Variants in TSC2 observed in about 807,000 individuals in gnomAD.
TSC2 encodes TSC complex subunit 2, also known as tuberin.
A neutral mutation model predicts 202.2 loss-of-function variants in TSC2; 29 were observed. That is an observed-to-expected ratio of 0.14 (90% confidence interval 0.11 to 0.20). The LOEUF (loss-of-function observed/expected upper bound fraction) is 0.20. Ranked by LOEUF, TSC2 falls within the 10% of genes least tolerant of loss-of-function variation. The pLI is 1.00. For missense variants in TSC2, 2,429 were observed against 2,420.0 expected (o/e 1.00, Z -0.08); for synonymous variants, 1,349 against 1,044.0 (o/e 1.29, Z -5.63).
At chr16:2,052,387 A>G (rs918790231) in intron 3 of TSC2, among the ~76,000 whole-genome samples, 2 of 151,866 alleles carry the variant, frequency 1.3e-5, no homozygotes, top group Non-Finnish European at 2.9e-5. Flanking sequence ...ATGGCTCACT[A>G]CAGCCTCAAC....
At chr16:2,072,027 C>A (rs1047707572) in intron 19 of TSC2, 93 bp downstream of exon 19, 19 of 1,488,928 alleles carry the variant, frequency 1.3e-5, no homozygotes, top group Non-Finnish European at 1.5e-5. Context: ...CCCTGTCTGG[C>A]CTGTGGAGGG....
In TSC2 at chr16:2,086,720, G is replaced by A. The variant is rs371810493; in HGVS notation, c.4850-12G>A. On this transcript the variant is annotated splice_polypyrimidine_tract_variant and intron_variant, in intron 37 of 41. Coordinates refer to ENST00000219476, the MANE Select transcript of TSC2 (RefSeq NM_000548.5). ...TGGCCCCACAAACCCATCCGGCCCT[G>A]CTCACCCTCAGCCGTCTTCCACATC... 5.6e-6 allele frequency: 9 copies of A among 1,608,976 alleles called. No homozygotes were observed. In the African/African-American group the frequency reaches 6.7e-5, roughly 12 times the overall value.
chr16:2,087,096 G>C, intron 38 of TSC2: 1 of 660,108 alleles, frequency 1.5e-6, no homozygotes, highest in Non-Finnish European at 2.6e-6. Flanking sequence ...GGAGTAACTG[G>C]CAAGTGCAGA....
chr16:2,070,634 T>C (rs1379837014), intron 17 of TSC2, 56 bp downstream of exon 17: 1 of 1,611,110 alleles, frequency 6.2e-7, no homozygotes, highest in Non-Finnish European at 8.5e-7. Flanking sequence ...GGTATCCCCG[T>C]CTCGGCAGGT....
At position 2,076,626 on chromosome 16, in the gene TSC2, GGGAA is replaced by G. The variant is rs1567487238; in HGVS notation, c.2837+45_2837+48del. 3 of 1,605,288 alleles carry G rather than the reference GGGAA, an allele frequency of 1.9e-6. No individual in the cohort carries two copies. The South Asian group carries it at 3.3e-5, about 18-fold the overall frequency. On this transcript the variant is annotated intron_variant, in intron 25 of 41. Transcript: ENST00000219476. Reference sequence around the variant, plus strand: ...GTGTGCCTGGAGTCGGTGTGGGGTGGGGAAGGACATGGGGCTGTGGCCTGCCTGA... The same window carrying G: ...GTGTGCCTGGAGTCGGTGTGGGGTGGGGACATGGGGCTGTGGCCTGCCTGA...
chr16:2,077,910 C>T (rs767288861), intron 26 of TSC2, among the ~76,000 whole-genome samples, 184 bp downstream of exon 26: 16 of 152,144 alleles, frequency 1.1e-4, no homozygotes, highest in Non-Finnish European at 2.1e-4. Flanking sequence ...CGTATGAGCA[C>T]GGGCTGGTTG....
chr16:2,065,672 C>G (rs766100684), intron 16 of TSC2, 37 bp downstream of exon 16: 1 of 1,569,008 alleles, frequency 6.4e-7, no homozygotes, highest in East Asian at 2.2e-5. Context: ...TCCCGGGGCG[C>G]GCATGGCTAG....
rs2090534289 is a variant in TSC2 at position 2,084,638 on chromosome 16, C to T, written c.4416C>T (p.Gly1472=). ...CCGACTCGGCCCCATCACGCAGGGG[C>T]AAGAGAGTAGAGAGGGACGCCTTAA... is the stretch of plus-strand genomic sequence containing the variant. ...TISDSAPSRR[G]KRVERDALKS... is the part of the protein sequence containing the mutation. Residue 1472 remains glycine, a synonymous_variant, in exon 34 of 42, where the codon GGC becomes GGT. Coordinates refer to ENST00000219476, the MANE Select transcript of TSC2 (RefSeq NM_000548.5). 1.9e-6 allele frequency: 3 copies of T among 1,600,160 alleles called. No individual in the cohort carries two copies. The highest frequency in any genetic ancestry group is 2.5e-6 in the Non-Finnish European group (3 of 1,179,844).
At chr16:2,075,693 C>T (rs993859627) in intron 22 of TSC2, 106 bp from the exon 23 acceptor site, 8 of 1,250,320 alleles carry the variant, frequency 6.4e-6, no homozygotes, top group South Asian at 6.2e-5. Context: ...GTGGCCTTCT[C>T]TCCTCTGCAG....
At chr16:2,088,392 C>T (rs561181976) in intron 41 of TSC2, 54 bp from the exon 42 acceptor site, 4 of 1,612,412 alleles carry the variant, frequency 2.5e-6, no homozygotes, top group African/African-American at 2.7e-5. Context: ...GGTGTGTGGG[C>T]AGAGCGGTTG....
intron 8 of TSC2, 84 bp from the exon 9 acceptor site, chr16:2,057,021 G>T (rs1226653816): frequency 6.6e-7 from 1 of 1,521,378 alleles, no homozygotes; most frequent in African/African-American, 1.4e-5. Flanking sequence ...CTATAGGGCA[G>T]CAGCCAGGCG....
In TSC2 at chr16:2,088,897, ACAGT is replaced by A. The variant is rs1470156124; in HGVS notation, c.*290_*293del. 2.3e-6 allele frequency: 1 copy of A among 425,912 alleles called. No homozygotes were observed. The highest frequency in any genetic ancestry group is 4.3e-6 in the Non-Finnish European group (1 of 231,112). The allele number at this position is 425,912 out of a possible 1,614,324, so 26.4% of individuals were successfully genotyped here. On this transcript the variant is annotated 3_prime_UTR_variant, in exon 42 of 42. Transcript: ENST00000219476. Reference sequence around the variant, plus strand: ...TGCGCGCGCGCACACACACACACACACAGTCACCTTCCTCCACCCTGGGAGCCAG... The same window carrying A: ...TGCGCGCGCGCACACACACACACACACACCTTCCTCCACCCTGGGAGCCAG...
chr16:2,067,744 T>C (rs148469854), intron 16 of TSC2, among the ~76,000 whole-genome samples: 124 of 152,272 alleles, frequency 8.1e-4, no homozygotes, highest in African/African-American at 2.7e-3. Context: ...CACTCCAGCC[T>C]AGGCAACAAG....
rs896658517 is a variant in TSC2 at position 2,073,000 on chromosome 16, G to A, written c.2355+17G>A. 1.2e-6 allele frequency: 2 copies of A among 1,613,176 alleles called. No homozygotes were observed. Among genetic ancestry groups the A allele is most frequent in the Non-Finnish European group, 1.7e-6 (2 of 1,180,014 alleles). On this transcript the variant is annotated intron_variant, in intron 21 of 41. Transcript: ENST00000219476. The stretch of plus-strand genomic sequence containing the variant: ...ACCAAACAGGTAGGAGGTCAGAGCA[G>A]GACAGGCGAGCTTGATGGGGCCTGG...
At chr16:2,071,409 G>C in intron 17 of TSC2, 101 bp from the exon 18 acceptor site, 1 of 1,240,782 alleles carries the variant, frequency 8.1e-7, no homozygotes, top group Non-Finnish European at 1.2e-6. Context: ...GGCCTTTTCT[G>C]AGTGCCTGTG....
At chr16:2,057,398 G>C (rs2086005526) in intron 9 of TSC2, among the ~76,000 whole-genome samples, 1 of 152,130 alleles carries the variant, frequency 6.6e-6, no homozygotes, top group Non-Finnish European at 1.5e-5. Flanking sequence ...CCAGCTCAGT[G>C]CCTGCCCCAT....
chr16:2,051,568 C>T (rs747319573), intron 3 of TSC2, among the ~76,000 whole-genome samples: 3 of 152,162 alleles, frequency 2.0e-5, no homozygotes, highest in Non-Finnish European at 4.4e-5. Context: ...GTGGACAGGA[C>T]AGGAAGTGGT....
At chr16:2,063,803 A>C in intron 14 of TSC2, 1 of 262,392 alleles carries the variant, frequency 3.8e-6, no homozygotes. Flanking sequence ...GTTCCTGTGG[A>C]ACTTTTTACC....
At chr16:2,075,950 G>C (rs1204835117) in intron 23 of TSC2, 58 bp downstream of exon 23, 1 of 1,612,202 alleles carries the variant, frequency 6.2e-7, no homozygotes, top group Non-Finnish European at 8.5e-7. Context: ...AGGCCTTGCG[G>C]CAGAAAGCCC....
Sources: allele counts gnomAD v4.1 joint callset (sites outside exome capture counted in the v4.1 genomes callset), GRCh38; gene constraint gnomAD v4.1.1; transcripts MANE v1.5; gene names NCBI Gene and HGNC (gene_info 2026-07-23, HGNC 2026-07-21).